Variants in MAP3K15 observed in about 807,000 individuals in gnomAD.
MAP3K15 encodes the protein mitogen-activated protein kinase kinase kinase 15.
In MAP3K15, 124 loss-of-function variants were observed where a neutral mutation model predicts 99.5. The observed-to-expected ratio is 1.25, with a 90% confidence interval of 1.08 to 1.45. The LOEUF is 1.45. Among genes scored for constraint, MAP3K15 ranks in the 40% most tolerant of loss-of-function variants. The probability of loss-of-function intolerance (pLI) is 0.00; values close to 1 mark genes in which losing one functional copy is unlikely to be tolerated. For synonymous variants in MAP3K15, 494 were observed against 439.6 expected (o/e 1.12, Z -1.55); for missense variants, 1,242 against 1,079.7 (o/e 1.15, Z -2.11).
At chrX:19,382,896 C>T (rs781502029) in intron 18 of MAP3K15, among the ~76,000 whole-genome samples, 1 of 112,270 alleles carries the variant, frequency 8.9e-6, no homozygotes, top group Admixed American at 9.5e-5. Context: ...GATGCTGAGT[C>T]TGGGACTCTG....
chrX:19,370,406 T>C (rs2063366083), intron 24 of MAP3K15, among the ~76,000 whole-genome samples: 1 of 110,108 alleles, frequency 9.1e-6, no homozygotes, highest in African/African-American at 3.3e-5. Flanking sequence ...TATTTGTTTA[T>C]TTTTATTGAG....
intron 1 of MAP3K15, chrX:19,497,453 C>T (rs890382081): frequency 1.8e-5 from 2 of 111,655 alleles, no homozygotes; most frequent in Non-Finnish European, 3.8e-5. Context: ...TGAGCCACCA[C>T]ACCTGGCCCA....
Position 19,361,335 on chromosome X carries a change from T to C in MAP3K15, c.3857+4A>G, listed in dbSNP as rs55744630. 11,545 of 1,193,337 alleles carry C rather than the reference T, an allele frequency of 9.7e-3. 61 individuals carry two copies. Among genetic ancestry groups the C allele is most frequent in the Middle Eastern group, 0.035 (131 of 3,728 alleles). On this transcript the variant is annotated splice_donor_region_variant and intron_variant, in intron 28 of 28. Transcript: ENST00000338883. ...TCTTATACAAACTGTTTTGAGGCTC[T>C]TACCGTAGTCGAAGGTATCTTAGAT... is the stretch of plus-strand genomic sequence containing the variant.
At chrX:19,385,579 A>C (rs938967921) in intron 18 of MAP3K15, among the ~76,000 whole-genome samples, 2 of 108,371 alleles carry the variant, frequency 1.8e-5, no homozygotes, top group African/African-American at 3.3e-5. Context: ...TGAGCACTTG[A>C]TGGCTTACCA....
intron 6 of MAP3K15, among the ~76,000 whole-genome samples, chrX:19,436,014 C>T (rs1386938159): frequency 9.0e-6 from 1 of 110,998 alleles, no homozygotes; most frequent in Non-Finnish European, 1.9e-5. Flanking sequence ...ATTAGCAGGG[C>T]ATGGTGGCAG....
rs769277801 is a variant in MAP3K15 at position 19,464,384 on chromosome X, AAAT to A, written c.545_547del (p.Tyr182del). Reference sequence around the variant, plus strand: ...GCACGGTGTCACGATGTATGGGATGAAATAATAATTTCCACTGGATGCCTGGAA... The same window carrying A: ...GCACGGTGTCACGATGTATGGGATGAAATAATTTCCACTGGATGCCTGGAA... On this transcript the variant is annotated inframe_deletion, in exon 4 of 29. Transcript: ENST00000338883. The A allele has an allele frequency of 9.6e-5, 114 of 1,185,040 alleles. No individual in the cohort carries two copies. The highest frequency in any genetic ancestry group is 1.3e-4 in the Non-Finnish European group (111 of 886,490).
At chrX:19,424,509 G>C (rs1283089338) in intron 9 of MAP3K15, among the ~76,000 whole-genome samples, 2 of 110,675 alleles carry the variant, frequency 1.8e-5, no homozygotes. Flanking sequence ...ATATAGAACA[G>C]TGGTTCTCAA....
intron 6 of MAP3K15, among the ~76,000 whole-genome samples, chrX:19,455,698 A>G (rs2064088346): frequency 9.2e-6 from 1 of 108,605 alleles, no homozygotes; most frequent in African/African-American, 3.4e-5. Flanking sequence ...CTCTTTTGTT[A>G]TTTTGAGAAA....
chrX:19,474,969 GA>G (rs1393422944), intron 3 of MAP3K15, among the ~76,000 whole-genome samples: 16 of 111,172 alleles, frequency 1.4e-4, no homozygotes, highest in African/African-American at 5.2e-4. Flanking sequence ...TGGTTTCATG[GA>G]AAAAAATTTT....
At chrX:19,386,366 G>T (rs1295381884) in intron 18 of MAP3K15, among the ~76,000 whole-genome samples, 1 of 111,604 alleles carries the variant, frequency 9.0e-6, no homozygotes, top group Non-Finnish European at 1.9e-5. Flanking sequence ...TGAGGCAGGA[G>T]AATCGTTTGA....
chrX:19,498,499 G>A (rs7060228), intron 1 of MAP3K15, among the ~76,000 whole-genome samples: 25,643 of 110,962 alleles, frequency 0.23, 2,753 homozygotes, highest in African/African-American at 0.42. Flanking sequence ...GTCTTTCTCC[G>A]TCACCACCTG....
intron 6 of MAP3K15, among the ~76,000 whole-genome samples, chrX:19,446,518 A>T (rs1457940806): frequency 8.9e-6 from 1 of 111,907 alleles, no homozygotes; most frequent in African/African-American, 3.3e-5. Context: ...AACCTGGCTC[A>T]TGTCAGTCCA....
At chrX:19,376,696 C>T (rs1195060066) in intron 19 of MAP3K15, 5 of 110,320 alleles carry the variant, frequency 4.5e-5, no homozygotes, top group East Asian at 2.9e-4. Flanking sequence ...CCTCCTGCGT[C>T]GGCCTCCCAA....
Position 19,431,469 on chromosome X carries a change from C to T in MAP3K15, c.1135G>A (p.Asp379Asn). 1 of 1,200,365 alleles carries T rather than the reference C, an allele frequency of 8.3e-7. No individual in the cohort carries two copies. Among genetic ancestry groups the T allele is most frequent in the Middle Eastern group, 2.3e-4 (1 of 4,341 alleles). The change falls in exon 7 of 29, where the codon GAT (aspartate) becomes AAT (asparagine). Residue 379 changes from aspartate (D) to asparagine (N), a missense_variant. Physicochemically the swap from Asp to Asn is conservative, Grantham distance 23. Coordinates refer to ENST00000338883, the MANE Select transcript of MAP3K15 (RefSeq NM_001001671.4). ...KDIFLDSDCK[D>N]DTSRDSAIEW... Reference sequence around the variant, plus strand: ...ATGGCGCTGTCGCGGCTGGTGTCATCTTTGCAGTCTGAATCCAAGAAGATG... The same window carrying T: ...ATGGCGCTGTCGCGGCTGGTGTCATTTTTGCAGTCTGAATCCAAGAAGATG...
intron 9 of MAP3K15, among the ~76,000 whole-genome samples, chrX:19,424,295 CAT>C (rs1358329280): frequency 1.0e-5 from 1 of 99,041 alleles, no homozygotes; most frequent in East Asian, 2.9e-4. Context: ...TATATATACA[CAT>C]ATATATACAC....
intron 1 of MAP3K15, among the ~76,000 whole-genome samples, chrX:19,492,466 C>G (rs1979906571): frequency 9.0e-6 from 1 of 111,157 alleles, no homozygotes; most frequent in African/African-American, 3.3e-5. Context: ...CAAATTTACC[C>G]TTTAGAGGTC....
In MAP3K15 at chrX:19,507,465, G is replaced by A. The variant is rs140229370; in HGVS notation, c.361+7436C>T. Among the ~76,000 whole-genome samples, 670 of 105,356 alleles carry A rather than the reference G, an allele frequency of 6.4e-3. 5 individuals are homozygous for A. Among genetic ancestry groups the A allele is most frequent in the African/African-American group, 0.022 (621 of 28,834 alleles). 91.5% of individuals were successfully genotyped at this position (105,356 alleles called of 115,157 possible). A position where few individuals can be genotyped will look rare whatever the true frequency, so the allele number is the denominator to read the frequency against. On this transcript the variant is annotated intron_variant, in intron 1 of 28. Coordinates refer to ENST00000338883, the MANE Select transcript of MAP3K15 (RefSeq NM_001001671.4). ...GTGGTGCATGCCTGTAAGTCCCAGC[G>A]ACTCGGGAGGCTGAGGTGGAAGGAT...
intron 7 of MAP3K15, among the ~76,000 whole-genome samples, chrX:19,430,376 T>A (rs1389992315): frequency 9.0e-6 from 1 of 110,699 alleles, no homozygotes; most frequent in Admixed American, 9.7e-5. Flanking sequence ...GTGTACGGGG[T>A]CATTTGGATC....
At chrX:19,430,670 A>G (rs1481269513) in intron 7 of MAP3K15, among the ~76,000 whole-genome samples, 1 of 110,675 alleles carries the variant, frequency 9.0e-6, no homozygotes, top group Non-Finnish European at 1.9e-5. Context: ...TCAGAGCAAG[A>G]AGGTCTTACC....
Sources: gnomAD v4.1 joint callset for allele counts (sites outside exome capture counted in the v4.1 genomes callset) on GRCh38, gnomAD v4.1.1 for gene constraint, MANE v1.5 for transcripts, NCBI Gene and HGNC (gene_info 2026-07-23, HGNC 2026-07-21) for gene names.